The following KRT71 variants were observed in gnomAD, a reference collection of about 807,000 sequenced individuals.
KRT71 encodes the protein keratin 71.
Under a neutral mutation model 46.2 loss-of-function variants are expected in KRT71, and 42 were observed. The ratio of observed to expected loss-of-function variants is 0.91; its 90% CI spans 0.71 to 1.18. The LOEUF (loss-of-function observed/expected upper bound fraction) is 1.18, where lower values mean the gene tolerates loss of function less well. KRT71 is among the 50% of genes most tolerant of loss of function. KRT71 has a pLI of 0.00. For synonymous variants in KRT71, 292 were observed against 277.8 expected (o/e 1.05, Z -0.51); for missense variants, 708 against 677.9 (o/e 1.04, Z -0.49).
chr12:52,545,654 C>G, intron 7 of KRT71, 55 bp from the exon 8 acceptor site: 1 of 1,128,988 alleles, frequency 8.9e-7, no homozygotes, highest in Non-Finnish European at 1.3e-6. Flanking sequence ...AGCTCAGTCT[C>G]TTTAAAGCTA....
Position 52,546,426 on chromosome 12 carries a change from G to C in KRT71, c.1185C>G (p.Asp395Glu). 1 of 1,614,152 alleles carries C rather than the reference G, an allele frequency of 6.2e-7. No individual in the cohort carries two copies. The highest frequency in any genetic ancestry group is 8.5e-7 in the Non-Finnish European group (1 of 1,180,028). ...CCTGGTGCAGGGCGCCCTCCAGCTC[G>C]TCCAGCTTGGCCCGGGCATCCTTCA... The part of the protein sequence containing the change: ...NALKDARAKL[D>E]ELEGALHQAK... Residue 395 changes from aspartate (D) to glutamate (E), a missense_variant, in exon 7 of 9, where the codon GAC becomes GAG. Coordinates refer to ENST00000267119, the MANE Select transcript of KRT71 (RefSeq NM_033448.3).
At position 52,548,215 on chromosome 12, in the gene KRT71, G is replaced by T. The variant is rs750811861; in HGVS notation, c.915C>A (p.Arg305=). 5 of 1,614,118 alleles carry T rather than the reference G, an allele frequency of 3.1e-6. No individual in the cohort carries two copies. The African/African-American group carries it at 6.7e-5, about 22-fold the overall frequency. ...TCAAGGCAATCTCCTCATACTGGGT[G>T]CGGACTTCGTCAATGATGCTGTCCA... ...LDLDSIIDEV[R]TQYEEIALKS... Residue 305 remains arginine (R), a synonymous_variant, in exon 5 of 9, where the codon CGC becomes CGA. Transcript: ENST00000267119.
intron 8 of KRT71, 55 bp downstream of exon 8, chr12:52,545,510 G>T: frequency 9.1e-7 from 1 of 1,093,466 alleles, no homozygotes; most frequent in Non-Finnish European, 1.4e-6. Context: ...TGTCACTAAG[G>T]TCCTTTCCAG....
At chr12:52,547,449 A>G (rs926221921) in intron 6 of KRT71, among the ~76,000 whole-genome samples, 13 of 152,330 alleles carry the variant, frequency 8.5e-5, no homozygotes, top group East Asian at 3.9e-4. Flanking sequence ...ACAGATGTTT[A>G]TCAAGCTGCA....
intron 6 of KRT71, 77 bp downstream of exon 6, chr12:52,547,780 A>T: frequency 6.5e-7 from 1 of 1,549,958 alleles, no homozygotes; most frequent in South Asian, 1.2e-5. Context: ...TGGGAGGCCC[A>T]TGTTCTCAGC....
Position 52,552,913 on chromosome 12 carries a change from C to G in KRT71, c.165G>C (p.Arg55=). 1 of 1,614,166 alleles carries G rather than the reference C, an allele frequency of 6.2e-7. No homozygotes were observed. The highest frequency in any genetic ancestry group is 2.2e-5 in the East Asian group (1 of 44,868). ...SRSLYSLGGV[R]SLNVASGSGK... ...CGCTGCCACTGGCCACATTGAGGCT[C>G]CGGACACCCCCCAGGCTGTAGAGGC... is the stretch of plus-strand genomic sequence containing the variant. Residue 55 remains arginine, a synonymous_variant, in exon 1 of 9, where the codon CGG becomes CGC. Coordinates refer to ENST00000267119, the MANE Select transcript of KRT71 (RefSeq NM_033448.3).
intron 1 of KRT71, 144 bp from the exon 2 acceptor site, chr12:52,550,387 A>T: frequency 2.8e-6 from 3 of 1,062,532 alleles, no homozygotes; most frequent in Middle Eastern, 6.3e-4. Flanking sequence ...TCTGCTATGG[A>T]GAGAAAACTG....
rs755274516 is a variant in KRT71, at chr12:52,552,808, C to T, written c.270G>A (p.Gly90=). The stretch of plus-strand genomic sequence containing the variant: ...GTGGGCATACAGTTGGGCACACAGG[C>T]CCCAGGGCCACACTGCCAAACATGC... The part of the protein sequence containing the change: ...AGSMFGSVAL[G]PVCPTVCPPG... The change falls in exon 1 of 9, where the codon GGG becomes GGA. Residue 90 remains glycine (G), a synonymous_variant. Coordinates refer to ENST00000267119, the MANE Select transcript of KRT71 (RefSeq NM_033448.3). The T allele has an allele frequency of 6.2e-7, 1 of 1,614,240 alleles. No individual in the cohort carries two copies. The highest frequency in any genetic ancestry group is 1.1e-5 in the South Asian group (1 of 91,084).
At chr12:52,549,123 C>G in intron 3 of KRT71, among the ~76,000 whole-genome samples, 170 bp downstream of exon 3, 1 of 152,214 alleles carries the variant, frequency 6.6e-6, no homozygotes, top group Non-Finnish European at 1.5e-5. Flanking sequence ...GGCACCCTCC[C>G]TGCCTTTTCA....
intron 4 of KRT71, 117 bp downstream of exon 4, chr12:52,548,584 G>T (rs1939101548): frequency 1.1e-6 from 1 of 926,354 alleles, no homozygotes; most frequent in Non-Finnish European, 1.7e-6. Context: ...GCGGGAGATG[G>T]TTGGCTAACT....
rs774483214 is a variant in KRT71 at position 52,548,160 on chromosome 12, G to T, written c.970C>A (p.Gln324Lys). The stretch of plus-strand genomic sequence containing the variant: ...ACCTCAGCCCAGCTCACCTTGGTCT[G>T]GTACAGGGCCTCAGCCTCGGCCTTA... Reference protein sequence around the residue: ...KSKAEAEALYQTKFQELQLAA... With the variant: ...KSKAEAEALYKTKFQELQLAA... Residue 324 changes from glutamine (Q) to lysine (K), a missense_variant, in exon 5 of 9, where the codon CAG becomes AAG. Physicochemically the swap from Gln to Lys is moderately conservative, Grantham distance 53 (BLOSUM62 1). Coordinates refer to ENST00000267119, the MANE Select transcript of KRT71 (RefSeq NM_033448.3). 5 of 1,613,292 alleles carry T rather than the reference G, an allele frequency of 3.1e-6. No individual in the cohort carries two copies. Among genetic ancestry groups the T allele is most frequent in the Non-Finnish European group, 4.2e-6 (5 of 1,179,488 alleles).
intron 5 of KRT71, 21 bp downstream of exon 5, chr12:52,548,131 C>A: frequency 6.2e-7 from 1 of 1,610,164 alleles, no homozygotes; most frequent in Admixed American, 1.7e-5. Context: ...CCCTCCCTGG[C>A]CCCACCTCAG....
intron 6 of KRT71, 108 bp downstream of exon 6, chr12:52,547,749 C>T (rs969998551): frequency 9.9e-6 from 14 of 1,410,660 alleles, no homozygotes; most frequent in Non-Finnish European, 1.4e-5. Context: ...CTGGCCTTCT[C>T]TCTTCTCCCA....
intron 4 of KRT71, 27 bp downstream of exon 4, chr12:52,548,674 A>C (rs992280604): frequency 1.2e-6 from 2 of 1,601,582 alleles, no homozygotes; most frequent in South Asian, 1.1e-5. Flanking sequence ...CCTCCCCTAG[A>C]TGAACCAAGT....
At chr12:52,552,461 A>G (rs999294801) in intron 1 of KRT71, among the ~76,000 whole-genome samples, 176 bp downstream of exon 1, 11 of 152,348 alleles carry the variant, frequency 7.2e-5, no homozygotes, top group African/African-American at 2.4e-4. Context: ...TTCTCTCTGG[A>G]AAGACAACAC....
At chr12:52,547,016 G>A (rs150976427) in intron 6 of KRT71, among the ~76,000 whole-genome samples, 549 of 152,248 alleles carry the variant, frequency 3.6e-3, no homozygotes, top group Non-Finnish European at 6.4e-3. Flanking sequence ...ATAACTTAAC[G>A]CATTTAGTCC....
intron 3 of KRT71, 93 bp from the exon 4 acceptor site, chr12:52,548,889 C>A (rs1939109147): frequency 1.9e-6 from 2 of 1,077,192 alleles, no homozygotes; most frequent in Non-Finnish European, 2.8e-6. Context: ...AAGAAGGAGT[C>A]ACTCTCTTCT....
At chr12:52,551,975 A>T (rs1939178924) in intron 1 of KRT71, among the ~76,000 whole-genome samples, 1 of 152,086 alleles carries the variant, frequency 6.6e-6, no homozygotes, top group Non-Finnish European at 1.5e-5. Context: ...TTGTGACAAG[A>T]TCTTCACCTG....
chr12:52,548,458 G>T, intron 4 of KRT71, 142 bp from the exon 5 acceptor site: 1 of 1,019,240 alleles, frequency 9.8e-7, no homozygotes, highest in Non-Finnish European at 1.4e-6. Context: ...TGTGTGCTTT[G>T]CGGCAAAGCA....
Sources: allele counts gnomAD v4.1 joint callset (sites outside exome capture counted in the v4.1 genomes callset), GRCh38; gene constraint gnomAD v4.1.1; transcripts MANE v1.5; gene names NCBI Gene and HGNC (gene_info 2026-07-23, HGNC 2026-07-21).